Variants in ATG10 observed in about 807,000 individuals in gnomAD.
The protein encoded by ATG10 is ubiquitin-like-conjugating enzyme ATG10.
A neutral mutation model predicts 32.1 loss-of-function variants in ATG10; 30 were observed. That is an observed-to-expected ratio of 0.94 (90% CI 0.70 to 1.27). The LOEUF (loss-of-function observed/expected upper bound fraction) is 1.27, where lower values mean the gene tolerates loss of function less well. ATG10 is among the 50% of genes most tolerant of loss of function. ATG10 has a pLI of 0.00. For missense variants in ATG10, 233 were observed against 262.3 expected (o/e 0.89, Z 0.77); for synonymous variants, 87 against 91.5 (o/e 0.95, Z 0.28).
intron 2 of ATG10, among the ~76,000 whole-genome samples, chr5:82,036,314 T>G (rs1315944448): frequency 6.6e-6 from 1 of 152,048 alleles, no homozygotes; most frequent in Admixed American, 6.6e-5. Context: ...TATGAATGAG[T>G]CAGGCACAGT....
chr5:82,007,671 A>G (rs1192087412), intron 2 of ATG10, among the ~76,000 whole-genome samples: 1 of 152,004 alleles, frequency 6.6e-6, no homozygotes, highest in Non-Finnish European at 1.5e-5. Flanking sequence ...CCATGCTGGT[A>G]TCAAACTCCT....
rs1056594260 is a variant in ATG10, at chr5:82,049,513, C to T, written c.109-8982C>T. Among the ~76,000 whole-genome samples, 8 of 151,574 alleles carry T rather than the reference C, an allele frequency of 5.3e-5. No individual in the cohort carries two copies. The South Asian group carries it at 1.7e-3, about 32-fold the overall frequency. On this transcript the variant is annotated intron_variant, in intron 2 of 7. Transcript: ENST00000282185. ...CATGTATGCATATGTAACCAACCTGCACATTGTGCACATGTACCCTAAAAC... is the reference window on the plus strand; with the variant it reads ...CATGTATGCATATGTAACCAACCTGTACATTGTGCACATGTACCCTAAAAC...
chr5:82,005,336 C>T lies in ATG10; in HGVS notation c.108+17658C>T, dbSNP rs1761961994. On this transcript the variant is annotated intron_variant, in intron 2 of 7. Coordinates refer to ENST00000282185, the MANE Select transcript of ATG10 (RefSeq NM_031482.5). ...TTGAGATAGAGTCTCACTCTTTCGC[C>T]GAGGCTGGAGTGCAGTGGCACTGTG... Among the ~76,000 whole-genome samples the T allele has an allele frequency of 1.3e-5, 2 of 152,096 alleles. 1 individual carries two copies. Among genetic ancestry groups the T allele is most frequent in the South Asian group, 4.2e-4 (2 of 4,816 alleles).
At chr5:82,139,458 C>CCT in intron 3 of ATG10, among the ~76,000 whole-genome samples, 1 of 134,578 alleles carries the variant, frequency 7.4e-6, no homozygotes, top group Non-Finnish European at 1.6e-5. Flanking sequence ...CCCGGCCGCC[C>CCT]ATCGTCTGAG....
At chr5:82,196,767 G>A (rs564476241) in intron 5 of ATG10, among the ~76,000 whole-genome samples, 9 of 152,096 alleles carry the variant, frequency 5.9e-5, no homozygotes, top group Non-Finnish European at 1.0e-4. Flanking sequence ...CTTTGTCAGC[G>A]TCACACTGTC....
At chr5:82,079,708 T>C (rs954031406) in intron 3 of ATG10, among the ~76,000 whole-genome samples, 1 of 152,222 alleles carries the variant, frequency 6.6e-6, no homozygotes, top group African/African-American at 2.4e-5. Flanking sequence ...TCCTTTTTTA[T>C]GGCTGCATAG....
intron 2 of ATG10, among the ~76,000 whole-genome samples, chr5:82,043,393 A>AC (rs1401481621): frequency 1.3e-5 from 2 of 152,150 alleles, no homozygotes; most frequent in East Asian, 3.9e-4. Flanking sequence ...CTGTCATGGG[A>AC]CGGGCTGCCC....
chr5:82,109,746 CT>C (rs554207301), intron 3 of ATG10, among the ~76,000 whole-genome samples: 2 of 151,354 alleles, frequency 1.3e-5, no homozygotes, highest in South Asian at 2.1e-4. Flanking sequence ...TCCCTTCCTT[CT>C]TTCCCCCCAT....
intron 2 of ATG10, among the ~76,000 whole-genome samples, chr5:82,020,378 A>G (rs910808131): frequency 3.3e-5 from 5 of 152,224 alleles, no homozygotes; most frequent in African/African-American, 1.2e-4. Context: ...CTGGAGAAGG[A>G]TAGAGTTCTA....
At chr5:82,178,779 A>G (rs1027092956) in intron 5 of ATG10, among the ~76,000 whole-genome samples, 192 bp downstream of exon 5, 4 of 152,052 alleles carry the variant, frequency 2.6e-5, no homozygotes, top group Admixed American at 6.6e-5. Context: ...ACCCTATTAT[A>G]AGCTCTCAGA....
chr5:82,005,725 A>T (rs898010040), intron 2 of ATG10, among the ~76,000 whole-genome samples: 1 of 152,328 alleles, frequency 6.6e-6, no homozygotes, highest in East Asian at 1.9e-4. Context: ...TTCATAAGTG[A>T]TTGATAAAAT....
At chr5:82,159,368 G>A (rs1480560175) in intron 3 of ATG10, among the ~76,000 whole-genome samples, 1 of 152,114 alleles carries the variant, frequency 6.6e-6, no homozygotes, top group Non-Finnish European at 1.5e-5. Flanking sequence ...ATTGGAAACT[G>A]TAGAAAGTGA....
At chr5:82,107,420 ATGTTTACTTCTTTG>A (rs1765476936) in intron 3 of ATG10, among the ~76,000 whole-genome samples, 2 of 152,032 alleles carry the variant, frequency 1.3e-5, no homozygotes, top group African/African-American at 4.8e-5. Flanking sequence ...AGCTGAATTG[ATGTTTACTTCTTTG>A]TGGTGTTATT....
At chr5:82,176,373 C>A (rs896819783) in intron 4 of ATG10, among the ~76,000 whole-genome samples, 1 of 152,146 alleles carries the variant, frequency 6.6e-6, no homozygotes, top group African/African-American at 2.4e-5. Context: ...TTTCGTAAGA[C>A]CTTGGCTGCC....
intron 2 of ATG10, among the ~76,000 whole-genome samples, chr5:82,014,210 G>C (rs1487251158): frequency 2.0e-5 from 3 of 152,004 alleles, no homozygotes; most frequent in Non-Finnish European, 4.4e-5. Flanking sequence ...GTTATAATTT[G>C]TGTTCTTTTA....
chr5:82,206,335 T>C (rs776884001), intron 5 of ATG10, among the ~76,000 whole-genome samples: 10 of 152,056 alleles, frequency 6.6e-5, no homozygotes, highest in Non-Finnish European at 1.3e-4. Context: ...ATGGCATGTA[T>C]ATCAAAGGAA....
intron 3 of ATG10, among the ~76,000 whole-genome samples, chr5:82,106,860 AG>A (rs1270326053): frequency 2.0e-5 from 3 of 151,996 alleles, no homozygotes; most frequent in Non-Finnish European, 4.4e-5. Flanking sequence ...AGAAGTAATA[AG>A]GGGCAATTTG....
At chr5:82,159,420 C>A (rs2149893249) in intron 3 of ATG10, among the ~76,000 whole-genome samples, 1 of 152,180 alleles carries the variant, frequency 6.6e-6, no homozygotes, top group African/African-American at 2.4e-5. Context: ...GGGTAAGGCA[C>A]CAACAGGAAG....
intron 5 of ATG10, among the ~76,000 whole-genome samples, chr5:82,203,095 G>A (rs957307883): frequency 6.6e-6 from 1 of 152,130 alleles, no homozygotes; most frequent in African/African-American, 2.4e-5. Flanking sequence ...AGGCTTGGTG[G>A]TGCATGCCTG....
Sources: gnomAD v4.1 joint callset for allele counts (sites outside exome capture counted in the v4.1 genomes callset) on GRCh38, gnomAD v4.1.1 for gene constraint, MANE v1.5 for transcripts, NCBI Gene and HGNC (gene_info 2026-07-23, HGNC 2026-07-21) for gene names.